Variants in SNX18 observed in about 807,000 individuals in gnomAD.
SNX18 encodes the protein sorting nexin-18.
Under a neutral mutation model 48.7 loss-of-function variants are expected in SNX18, and 35 were observed. The ratio of observed to expected loss-of-function variants is 0.72; its 90% CI spans 0.55 to 0.95. The LOEUF is 0.95. Ranked by LOEUF, SNX18 falls within the 40% of genes least tolerant of loss-of-function variation. The pLI, the probability that SNX18 is intolerant of heterozygous loss-of-function variation, is 0.00. For missense variants in SNX18, 824 were observed against 871.0 expected (o/e 0.95, Z 0.68); for synonymous variants, 492 against 384.7 (o/e 1.28, Z -3.26).
At chr5:54,548,557 C>A (rs571477827), downstream of SNX18, among the ~76,000 whole-genome samples, 3 of 152,158 alleles carry the variant, frequency 2.0e-5, no homozygotes, top group Non-Finnish European at 4.4e-5. Flanking sequence ...ACTCACTAAC[C>A]CAGCTCTGAC....
At chr5:54,587,370 G>C in the SNX18 span, among the ~76,000 whole-genome samples, 17 of 152,226 alleles carry the variant, frequency 1.1e-4, no homozygotes, top group East Asian at 1.7e-3. Context: ...TACATCAACA[G>C]TATATAAATA....
the SNX18 span, among the ~76,000 whole-genome samples, chr5:54,584,255 G>T: frequency 6.6e-6 from 1 of 151,812 alleles, no homozygotes; most frequent in Non-Finnish European, 1.5e-5. Context: ...TCACCATGTT[G>T]CAGGCTGGTC....
intron 1 of SNX18, among the ~76,000 whole-genome samples, chr5:54,541,551 CA>C (rs1403898521): frequency 3.3e-5 from 5 of 152,148 alleles, no homozygotes; most frequent in African/African-American, 1.2e-4. Context: ...AGAACTGGGA[CA>C]GGGGTCTTCC....
At chr5:54,590,977 T>C in the SNX18 span, among the ~76,000 whole-genome samples, 2 of 152,250 alleles carry the variant, frequency 1.3e-5, no homozygotes, top group African/African-American at 4.8e-5. Flanking sequence ...CAGAGTAAAG[T>C]AAGTGAAGTT....
the SNX18 span, among the ~76,000 whole-genome samples, chr5:54,627,907 T>C: frequency 1.3e-5 from 2 of 152,220 alleles, no homozygotes; most frequent in Non-Finnish European, 2.9e-5. Context: ...CTTTTCAACA[T>C]GTGTGCAGGT....
At chr5:54,519,694 G>C in intron 1 of SNX18, 121 bp downstream of exon 1, 1 of 1,614,242 alleles carries the variant, frequency 6.2e-7, no homozygotes, top group Non-Finnish European at 8.5e-7. Context: ...GAAGCGAGCA[G>C]AGACGTGGAC....
downstream of SNX18, among the ~76,000 whole-genome samples, chr5:54,547,293 A>G (rs925843067): frequency 1.3e-5 from 2 of 152,250 alleles, no homozygotes; most frequent in Admixed American, 1.3e-4. Flanking sequence ...CAATGAACCT[A>G]TGAGGAAGAT....
chr5:54,580,928 AAGTGGCGTG>A, the SNX18 span, among the ~76,000 whole-genome samples: 4 of 109,762 alleles, frequency 3.6e-5, no homozygotes, highest in African/African-American at 8.5e-5. Context: ...TGAGTGTCAG[AAGTGGCGTG>A]AAGCTGGGGT....
At chr5:54,567,095 C>T in the SNX18 span, among the ~76,000 whole-genome samples, 1 of 152,104 alleles carries the variant, frequency 6.6e-6, no homozygotes, top group Non-Finnish European at 1.5e-5. Flanking sequence ...TCCTTGGGCT[C>T]ATCAAATTTG....
At chr5:54,538,663 A>C (rs1404816548) in intron 1 of SNX18, among the ~76,000 whole-genome samples, 1 of 152,196 alleles carries the variant, frequency 6.6e-6, no homozygotes, top group Non-Finnish European at 1.5e-5. Flanking sequence ...ATAAGAGTCA[A>C]CTTTTTTTAT....
the SNX18 span, among the ~76,000 whole-genome samples, chr5:54,570,993 G>A: frequency 6.6e-6 from 1 of 152,212 alleles, no homozygotes; most frequent in East Asian, 1.9e-4. Flanking sequence ...CTCTTGCCAA[G>A]TGTTAAGAAA....
chr5:54,605,552 T>C, the SNX18 span, among the ~76,000 whole-genome samples: 1 of 152,226 alleles, frequency 6.6e-6, no homozygotes, highest in Non-Finnish European at 1.5e-5. Context: ...AACAATGTTT[T>C]TTAAAAAGTT....
chr5:54,588,480 A>G, the SNX18 span, among the ~76,000 whole-genome samples: 4 of 151,502 alleles, frequency 2.6e-5, no homozygotes, highest in Non-Finnish European at 5.9e-5. Flanking sequence ...GGCACCCACC[A>G]CCACGCCTAA....
the SNX18 span, among the ~76,000 whole-genome samples, chr5:54,561,555 G>T: frequency 4.0e-5 from 6 of 149,488 alleles, no homozygotes; most frequent in African/African-American, 1.2e-4. Context: ...AGCCAGGCTG[G>T]TCTAAAACTC....
At chr5:54,603,914 G>T in the SNX18 span, among the ~76,000 whole-genome samples, 1 of 152,188 alleles carries the variant, frequency 6.6e-6, no homozygotes, top group Non-Finnish European at 1.5e-5. Context: ...GCCCTCAAGT[G>T]GGGGGTTTTG....
At chr5:54,548,064 T>G (rs898526356), downstream of SNX18, among the ~76,000 whole-genome samples, 6 of 152,198 alleles carry the variant, frequency 3.9e-5, no homozygotes, top group Admixed American at 6.5e-5. Context: ...GAAGTTAATC[T>G]GGGATTGGCT....
At chr5:54,601,170 T>C in the SNX18 span, among the ~76,000 whole-genome samples, 14 of 152,148 alleles carry the variant, frequency 9.2e-5, no homozygotes, top group Non-Finnish European at 2.1e-4. Context: ...CTGTATCCAA[T>C]AATGGCTTGA....
the SNX18 span, among the ~76,000 whole-genome samples, chr5:54,595,270 C>G: frequency 6.6e-6 from 1 of 152,206 alleles, no homozygotes; most frequent in African/African-American, 2.4e-5. Flanking sequence ...GAGTCTCGCT[C>G]TGTCACTCAG....
the SNX18 span, among the ~76,000 whole-genome samples, chr5:54,616,933 T>C: frequency 3.3e-5 from 5 of 152,196 alleles, no homozygotes; most frequent in African/African-American, 1.2e-4. Context: ...TGGGAGATAT[T>C]TGGGGACAGG....
Sources: allele counts gnomAD v4.1 joint callset (sites outside exome capture counted in the v4.1 genomes callset), GRCh38; gene constraint gnomAD v4.1.1; transcripts MANE v1.5; gene names NCBI Gene and HGNC (gene_info 2026-07-23, HGNC 2026-07-21).